The following SPIN1 variants were observed in gnomAD, a reference collection of about 807,000 sequenced individuals.
SPIN1 encodes spindlin 1, also known as spindlin-1.
SPIN1 carries 3 observed loss-of-function variants against 26.0 expected under a neutral mutation model. The ratio of observed to expected loss-of-function variants is 0.12; its 90% CI spans 0.05 to 0.30. SPIN1 has a LOEUF of 0.30. Among genes scored for constraint, SPIN1 ranks in the 10% least tolerant of loss-of-function variants. The probability of loss-of-function intolerance (pLI) is 1.00; values close to 1 mark genes in which losing one functional copy is unlikely to be tolerated. For synonymous variants in SPIN1, 101 were observed against 116.5 expected, an observed-to-expected ratio of 0.87 and a Z score of 0.86; for missense variants, 126 against 333.4, an observed-to-expected ratio of 0.38 and a Z score of 4.84.
intron 4 of SPIN1, among the ~76,000 whole-genome samples, chr9:88,465,047 C>A (rs941571720): frequency 2.0e-5 from 3 of 152,142 alleles, no homozygotes; most frequent in African/African-American, 7.2e-5. Context: ...AGCATAATGT[C>A]CTCAAAGTTG....
At chr9:88,431,521 C>T (rs955177944) in intron 2 of SPIN1, among the ~76,000 whole-genome samples, 1 of 152,032 alleles carries the variant, frequency 6.6e-6, no homozygotes, top group Non-Finnish European at 1.5e-5. Context: ...AACTCCCGAC[C>T]TCAGGTGATC....
intron 5 of SPIN1, among the ~76,000 whole-genome samples, chr9:88,470,931 A>C (rs558424051): frequency 1.3e-5 from 2 of 152,286 alleles, no homozygotes; most frequent in African/African-American, 4.8e-5. Flanking sequence ...TGAAATGTCT[A>C]TTCATATCCC....
At chr9:88,465,101 A>AG (rs1421192889) in intron 4 of SPIN1, among the ~76,000 whole-genome samples, 1 of 152,240 alleles carries the variant, frequency 6.6e-6, no homozygotes, top group Non-Finnish European at 1.5e-5. Context: ...AAGGCTGAAA[A>AG]GAACATTCCA....
chr9:88,443,131 A>AC (rs1828173356), intron 2 of SPIN1, among the ~76,000 whole-genome samples: 1 of 151,718 alleles, frequency 6.6e-6, no homozygotes, highest in Admixed American at 6.6e-5. Context: ...AAAAAAAAAA[A>AC]AAACAAAAAA....
intron 2 of SPIN1, among the ~76,000 whole-genome samples, chr9:88,427,983 T>C (rs888972872): frequency 7.9e-5 from 12 of 152,194 alleles, no homozygotes; most frequent in Non-Finnish European, 1.3e-4. Context: ...CCTGGCACTT[T>C]TAATAGTGTT....
chr9:88,466,751 T>TTAA (rs1489730846), intron 4 of SPIN1, among the ~76,000 whole-genome samples: 2 of 152,176 alleles, frequency 1.3e-5, no homozygotes, highest in Non-Finnish European at 2.9e-5. Flanking sequence ...TTTTTGTTGT[T>TTAA]GTTAAGACAG....
intron 4 of SPIN1, among the ~76,000 whole-genome samples, chr9:88,467,909 C>T (rs775820999): frequency 8.8e-5 from 13 of 147,756 alleles, no homozygotes; most frequent in Non-Finnish European, 1.3e-4. Flanking sequence ...TTTAAATAAA[C>T]GTTCTGTGGT....
intron 3 of SPIN1, among the ~76,000 whole-genome samples, chr9:88,451,702 A>C (rs1828356194): frequency 6.6e-6 from 1 of 152,210 alleles, no homozygotes; most frequent in Non-Finnish European, 1.5e-5. Flanking sequence ...CTGAGACCAC[A>C]GGCGTGCCGC....
chr9:88,414,185 TG>T, intron 1 of SPIN1, among the ~76,000 whole-genome samples: 1 of 152,156 alleles, frequency 6.6e-6, no homozygotes, highest in Non-Finnish European at 1.5e-5. Flanking sequence ...GAGTTTTTAT[TG>T]GTGCTTAACT....
intron 5 of SPIN1, among the ~76,000 whole-genome samples, chr9:88,468,859 A>G (rs1828721858): frequency 6.6e-6 from 1 of 152,180 alleles, no homozygotes; most frequent in South Asian, 2.1e-4. Context: ...ACACTACTAC[A>G]TATTACTTCT....
chr9:88,461,244 G>A (rs1441944345), intron 3 of SPIN1, among the ~76,000 whole-genome samples: 1 of 152,158 alleles, frequency 6.6e-6, no homozygotes, highest in African/African-American at 2.4e-5. Context: ...TTTCTGGAAG[G>A]AAGGTTTGCT....
intron 1 of SPIN1, chr9:88,411,114 T>C: frequency 6.6e-7 from 1 of 1,521,922 alleles, no homozygotes; most frequent in Non-Finnish European, 9.0e-7. Flanking sequence ...TGATGTTCTT[T>C]AGTGTCTTCT....
intron 1 of SPIN1, among the ~76,000 whole-genome samples, chr9:88,414,196 T>C (rs77921681): frequency 0.019 from 2,933 of 152,274 alleles, 71 homozygotes; most frequent in African/African-American, 0.063. Flanking sequence ...GGTGCTTAAC[T>C]ACATCAGCAT....
At chr9:88,463,234 A>G (rs978257846) in intron 4 of SPIN1, among the ~76,000 whole-genome samples, 4 of 152,306 alleles carry the variant, frequency 2.6e-5, no homozygotes, top group South Asian at 2.1e-4. Context: ...TGATTGAACA[A>G]TGTTTGTGGA....
intron 1 of SPIN1, among the ~76,000 whole-genome samples, chr9:88,404,358 A>G (rs1025319193): frequency 6.6e-6 from 1 of 152,172 alleles, no homozygotes; most frequent in Non-Finnish European, 1.5e-5. Flanking sequence ...ACTCTCCCCT[A>G]ACCCCCAATT....
intron 2 of SPIN1, among the ~76,000 whole-genome samples, chr9:88,445,130 G>T (rs1381329388): frequency 6.6e-6 from 1 of 152,236 alleles, no homozygotes; most frequent in Non-Finnish European, 1.5e-5. Flanking sequence ...GTGGGGTTGT[G>T]TGTAAGTTGG....
chr9:88,473,140 C>G (rs1393180242), intron 5 of SPIN1, among the ~76,000 whole-genome samples: 1 of 152,112 alleles, frequency 6.6e-6, no homozygotes, highest in Non-Finnish European at 1.5e-5. Context: ...CGCCTGTAAT[C>G]CCAGCACTTT....
intron 2 of SPIN1, among the ~76,000 whole-genome samples, chr9:88,437,071 G>C (rs1204224016): frequency 6.6e-6 from 1 of 151,708 alleles, no homozygotes; most frequent in Non-Finnish European, 1.5e-5. Flanking sequence ...GGCCTCCTCT[G>C]TGTCTTTTTA....
intron 3 of SPIN1, chr9:88,457,988 C>T: frequency 1.0e-6 from 1 of 985,098 alleles, no homozygotes; most frequent in South Asian, 4.7e-5. Flanking sequence ...TTTTCTTTTA[C>T]TAAGGATTTT....
Sources: allele counts gnomAD v4.1 joint callset (sites outside exome capture counted in the v4.1 genomes callset), GRCh38; gene constraint gnomAD v4.1.1; transcripts MANE v1.5; gene names NCBI Gene and HGNC (gene_info 2026-07-23, HGNC 2026-07-21).